ADNP: variants seen among roughly 807,000 people sequenced by gnomAD.
The protein encoded by ADNP is activity-dependent neuroprotector homeobox protein.
A neutral mutation model predicts 84.9 loss-of-function variants in ADNP; 4 were observed. That is an observed-to-expected ratio of 0.05 (90% CI 0.02 to 0.11). The LOEUF (loss-of-function observed/expected upper bound fraction) is 0.11. Among genes scored for constraint, ADNP ranks in the 10% least tolerant of loss-of-function variants. The pLI is 1.00. For synonymous variants in ADNP, 554 were observed against 468.1 expected (o/e 1.18, Z -2.37); for missense variants, 1,132 against 1,326.0 (o/e 0.85, Z 2.27).
intron 2 of ADNP, among the ~76,000 whole-genome samples, chr20:50,915,994 T>C (rs903125352): frequency 2.0e-5 from 3 of 152,220 alleles, no homozygotes; most frequent in East Asian, 3.8e-4. Flanking sequence ...ACTAACTTCA[T>C]TGGACTTTTA....
At chr20:50,894,769 C>T (rs183154287) in intron 5 of ADNP, among the ~76,000 whole-genome samples, 359 of 152,098 alleles carry the variant, frequency 2.4e-3, no homozygotes, top group Non-Finnish European at 4.1e-3. Flanking sequence ...TGGTGGTGGG[C>T]GCCTGTAATC....
Position 50,893,549 on chromosome 20 carries a change from G to C in ADNP, c.1165C>G (p.Pro389Ala). The change falls in exon 6 of 6, where the codon CCA (proline) becomes GCA (alanine). Residue 389 changes from proline (P) to alanine (A), a missense_variant. Pro to Ala is a conservative substitution (Grantham distance 27). Transcript: ENST00000621696. This position sits in a 1 kb window ranked among gnomAD's most constrained non-coding sequence, Gnocchi z 4.4. ...GLGSEQRSQA[P>A]ARYSLQSANA... is the part of the protein sequence containing the mutation. The stretch of plus-strand genomic sequence containing the variant: ...GCAGACTGCAGGGAGTATCTTGCTG[G>C]TGCCTGGGACCTCTGCTCTGACCCA... The C allele has an allele frequency of 6.2e-7, 1 of 1,613,932 alleles. No homozygotes were observed. Among genetic ancestry groups the C allele is most frequent in the African/African-American group, 1.3e-5 (1 of 75,016 alleles).
rs761456624 is a variant in ADNP, at chr20:50,894,165, G to A, written c.549C>T (p.His183=). ...CATGCTGAAAATGTTCCCTGTAAAT[G>A]TGCTTCCTAACTATTTCATAAAGAG... ...RDPLYEIVRK[H]IYREHFQHVA... is the part of the protein sequence containing the mutation. The change falls in exon 6 of 6, where the codon CAC becomes CAT. Residue 183 remains histidine, a synonymous_variant. Transcript: ENST00000621696. 79 of 1,613,906 alleles carry A rather than the reference G, an allele frequency of 4.9e-5. No individual in the cohort carries two copies. The highest frequency in any genetic ancestry group is 1.6e-4 in the Middle Eastern group (1 of 6,084).
intron 2 of ADNP, among the ~76,000 whole-genome samples, chr20:50,923,869 T>C (rs1482010833): frequency 6.6e-6 from 1 of 152,226 alleles, no homozygotes. Flanking sequence ...TTCTGAGCAC[T>C]TCTTGCATTT....
intron 2 of ADNP, among the ~76,000 whole-genome samples, chr20:50,925,402 A>G (rs1984226366): frequency 6.6e-6 from 1 of 152,156 alleles, no homozygotes; most frequent in African/African-American, 2.4e-5. Flanking sequence ...AGCTGACCCC[A>G]AAACTGGCAG....
chr20:50,912,068 T>C (rs149749185), intron 2 of ADNP, among the ~76,000 whole-genome samples: 65 of 152,008 alleles, frequency 4.3e-4, no homozygotes, highest in African/African-American at 1.4e-3. Context: ...GAAAAGCATA[T>C]CTAATATTGC....
In ADNP at chr20:50,889,723, G is replaced by A; in HGVS notation, c.*1682C>T. On this transcript the variant is annotated 3_prime_UTR_variant, in exon 6 of 6. Transcript: ENST00000621696. ...GTTTCCCATCATTGTTTTAATTGCT[G>A]GAAATGTTGGCCTAATTCTGCTTCC... The A allele has an allele frequency of 2.5e-6, 1 of 394,362 alleles. No individual in the cohort carries two copies. The highest frequency in any genetic ancestry group is 4.5e-6 in the Non-Finnish European group (1 of 223,950). 24.4% of individuals were successfully genotyped at this position (394,362 alleles called of 1,614,324 possible).
chr20:50,912,387 T>A (rs1029444599), intron 2 of ADNP, among the ~76,000 whole-genome samples: 3 of 152,168 alleles, frequency 2.0e-5, no homozygotes, highest in Admixed American at 1.3e-4. Flanking sequence ...TGACCTCAAG[T>A]GATCTGCCTG....
At chr20:50,909,426 A>T (rs1239717196) in intron 2 of ADNP, 1 of 149,424 alleles carries the variant, frequency 6.7e-6, no homozygotes, top group Non-Finnish European at 1.5e-5. Flanking sequence ...TCCAACACCA[A>T]GGAGAACTAG....
chr20:50,909,343 C>T (rs1320594495), intron 2 of ADNP, among the ~76,000 whole-genome samples: 2 of 83,922 alleles, frequency 2.4e-5, no homozygotes, highest in South Asian at 3.9e-4. Context: ...AGCCTGTGGG[C>T]GACAAGAGTA....
chr20:50,925,013 G>A (rs997511491), intron 2 of ADNP, among the ~76,000 whole-genome samples: 4 of 152,022 alleles, frequency 2.6e-5, no homozygotes, highest in Admixed American at 2.6e-4. Context: ...ATTCTTGAGA[G>A]GTTCCAGGCT....
rs569403404 is a variant in ADNP at position 50,894,706 on chromosome 20, C to T, written c.202-194G>A. Reference sequence around the variant, plus strand: ...GGTCAGGAGTTCAAGAGCAGCCTGGCCAACATGGTGAAACCCCATCTCAAC... The same window carrying T: ...GGTCAGGAGTTCAAGAGCAGCCTGGTCAACATGGTGAAACCCCATCTCAAC... On this transcript the variant is annotated intron_variant, in intron 5 of 5. Coordinates refer to ENST00000621696, the MANE Select transcript of ADNP (RefSeq NM_001282531.3). 3.3e-5 allele frequency among the ~76,000 whole-genome samples: 5 copies of T among 152,062 alleles called. No individual in the cohort carries two copies. In the South Asian group the frequency reaches 1.0e-3, roughly 32 times the overall value.
intron 2 of ADNP, among the ~76,000 whole-genome samples, chr20:50,906,976 GTT>G (rs71192506): frequency 8.2e-6 from 1 of 122,438 alleles, no homozygotes; most frequent in Non-Finnish European, 1.7e-5. Context: ...TTTTTTTTTT[GTT>G]TTTTTTTTTG....
chr20:50,892,758 C>G lies in ADNP; in HGVS notation c.1956G>C (p.Thr652=). Residue 652 remains threonine (T), a synonymous_variant, in exon 6 of 6, where the codon ACG becomes ACC. Transcript: ENST00000621696. ...HLRERHQVIQ[T]VHPVEKKLTY... ...TGAGCTTTTTCTCAACTGGATGAAC[C>G]GTCTGAATAACTTGGTGCCTCTCTC... The G allele has an allele frequency of 1.9e-6, 3 of 1,614,164 alleles. No homozygotes were observed. The highest frequency in any genetic ancestry group is 2.5e-6 in the Non-Finnish European group (3 of 1,180,036).
rs181073236 is a variant in ADNP at position 50,924,786 on chromosome 20, G to A, written c.-90+3865C>T. Among the ~76,000 whole-genome samples the A allele has an allele frequency of 9.2e-5, 14 of 152,336 alleles. No homozygotes were observed. In the East Asian group the frequency reaches 2.5e-3, roughly 27 times the overall value. On this transcript the variant is annotated intron_variant, in intron 2 of 5. Transcript: ENST00000621696. ...ATTACAAATCTATACCCTTACTGAA[G>A]AGGGTATTAGGATATGCAGATTCAT...
Position 50,909,363 on chromosome 20 carries a change from C to CAAAAAAAAAAAAAAAAAAAAAAAAAA in ADNP, c.-89-4540_-89-4515dup, listed in dbSNP as rs3069819. The CAAAAAAAAAAAAAAAAAAAAAAAAAA allele has an allele frequency of 2.9e-4, 13 of 44,354 alleles. 2 individuals carry two copies. The highest frequency in any genetic ancestry group is 4.1e-4 in the African/African-American group (5 of 12,216). The allele number at this position is 44,354 out of a possible 1,614,324, so 2.7% of individuals were successfully genotyped here. A position where few individuals can be genotyped will look rare whatever the true frequency, so the allele number is the denominator to read the frequency against. ...GTGGGCGACAAGAGTAAAACTGTCT[C>CAAAAAAAAAAAAAAAAAAAAAAAAAA]AAAAAAAAAAAAAAAAAAAAAAAAA... On this transcript the variant is annotated intron_variant, in intron 2 of 5. Transcript: ENST00000621696.
rs1984710295 is a variant in ADNP at position 50,930,994 on chromosome 20, G to C, written c.-433C>G. Reference sequence around the variant, plus strand: ...ACTCCGGCTCGCGCCGCGGCCGCGGGTGCTGCCGGGGGGCGCGGCGGGCGC... The same window carrying C: ...ACTCCGGCTCGCGCCGCGGCCGCGGCTGCTGCCGGGGGGCGCGGCGGGCGC... On this transcript the variant is annotated 5_prime_UTR_variant, in exon 1 of 6. Transcript: ENST00000621696. 6.8e-6 allele frequency: 1 copy of C among 146,010 alleles called. No homozygotes were observed. Among genetic ancestry groups the C allele is most frequent in the Admixed American group, 6.8e-5 (1 of 14,654 alleles). The allele number at this position is 146,010 out of a possible 1,614,324, so 9.0% of individuals were successfully genotyped here. A position where few individuals can be genotyped will look rare whatever the true frequency, so the allele number is the denominator to read the frequency against.
At chr20:50,917,981 T>C (rs1983642416) in intron 2 of ADNP, among the ~76,000 whole-genome samples, 1 of 152,176 alleles carries the variant, frequency 6.6e-6, no homozygotes, top group Admixed American at 6.5e-5. Context: ...ATTCCACTCA[T>C]GAGGTACTTA....
intron 5 of ADNP, among the ~76,000 whole-genome samples, chr20:50,897,452 G>A (rs961766516): frequency 4.6e-5 from 7 of 151,992 alleles, no homozygotes; most frequent in African/African-American, 1.5e-4. Flanking sequence ...TCCACACCCC[G>A]GTTAAAGTTG....
Sources: allele counts gnomAD v4.1 joint callset (sites outside exome capture counted in the v4.1 genomes callset), GRCh38; gene constraint gnomAD v4.1.1; non-coding constraint Gnocchi (gnomAD v3.1); transcripts MANE v1.5; gene names NCBI Gene and HGNC (gene_info 2026-07-23, HGNC 2026-07-21).